PARP8: variants seen among roughly 807,000 people sequenced by gnomAD.
PARP8 encodes poly(ADP-ribose) polymerase family member 8.
PARP8 carries 51 observed loss-of-function variants against 124.1 expected under a neutral mutation model. The observed-to-expected ratio is 0.41, with a 90% CI of 0.33 to 0.52. The LOEUF (loss-of-function observed/expected upper bound fraction) is 0.52, where lower values mean the gene tolerates loss of function less well. Ranked by LOEUF, PARP8 falls within the 20% of genes least tolerant of loss-of-function variation. The pLI, the probability that PARP8 is intolerant of heterozygous loss-of-function variation, is 0.21. For missense variants in PARP8, 860 were observed against 1,018.9 expected (o/e 0.84, Z 2.12); for synonymous variants, 391 against 361.5 (o/e 1.08, Z -0.93).
At chr5:50,809,020 G>T (rs1005541344) in intron 14 of PARP8, among the ~76,000 whole-genome samples, 1 of 143,670 alleles carries the variant, frequency 7.0e-6, no homozygotes, top group Admixed American at 6.9e-5. Context: ...TCAAAAACAT[G>T]GTTTAAAAAA....
At chr5:50,729,443 A>G (rs1756757691) in intron 2 of PARP8, among the ~76,000 whole-genome samples, 2 of 152,192 alleles carry the variant, frequency 1.3e-5, no homozygotes. Flanking sequence ...AATGAAAGGT[A>G]TTTGGACCAA....
At chr5:50,840,915 A>G (rs1246272867) in intron 25 of PARP8, among the ~76,000 whole-genome samples, 2 of 151,874 alleles carry the variant, frequency 1.3e-5, no homozygotes, top group Non-Finnish European at 2.9e-5. Flanking sequence ...TAAAACAGCG[A>G]TAAGAATTAG....
intron 2 of PARP8, among the ~76,000 whole-genome samples, chr5:50,673,014 T>A (rs1750212625): frequency 6.6e-6 from 1 of 152,242 alleles, no homozygotes; most frequent in African/African-American, 2.4e-5. Context: ...AAAACAGTGA[T>A]GATTTTTTAA....
In PARP8 at chr5:50,746,506, T is replaced by C. The variant is rs531702469; in HGVS notation, c.147-3645T>C. ...AACTGGGTAATATACATGACACTTT[T>C]GTACAGTCTTTTCAACTTTATGTGA... On this transcript the variant is annotated intron_variant, in intron 2 of 25. Transcript: ENST00000281631. 3.8e-3 allele frequency among the ~76,000 whole-genome samples: 584 copies of C among 152,286 alleles called. 1 individual carries two copies. Among genetic ancestry groups the C allele is most frequent in the Non-Finnish European group, 7.0e-3 (479 of 68,012 alleles).
intron 5 of PARP8, among the ~76,000 whole-genome samples, chr5:50,761,239 A>G (rs1457672245): frequency 6.6e-6 from 1 of 152,084 alleles, no homozygotes; most frequent in Non-Finnish European, 1.5e-5. Context: ...CACATGGCAG[A>G]TGTGGCTCAG....
chr5:50,804,560 T>G (rs1580399420), intron 14 of PARP8, among the ~76,000 whole-genome samples: 2 of 152,292 alleles, frequency 1.3e-5, no homozygotes, highest in Middle Eastern at 6.8e-3. Flanking sequence ...TATATCTACT[T>G]TGGAAACAAA....
In PARP8 at chr5:50,828,849, C is replaced by A. The variant is rs182973305; in HGVS notation, c.2163+465C>A. Among the ~76,000 whole-genome samples, 245 of 151,934 alleles carry A rather than the reference C, an allele frequency of 1.6e-3. 1 individual carries two copies. Among genetic ancestry groups the A allele is most frequent in the African/African-American group, 5.8e-3 (239 of 41,420 alleles). Reference sequence around the variant, plus strand: ...AAGGTGGCAGTGAGCTGAGATCACACCACTGTACCTCAGCCTGGGTGACAG... The same window carrying A: ...AAGGTGGCAGTGAGCTGAGATCACAACACTGTACCTCAGCCTGGGTGACAG... On this transcript the variant is annotated intron_variant, in intron 21 of 25. Transcript: ENST00000281631.
At chr5:50,805,177 A>T (rs891725109) in intron 14 of PARP8, among the ~76,000 whole-genome samples, 1 of 152,110 alleles carries the variant, frequency 6.6e-6, no homozygotes, top group Admixed American at 6.6e-5. Flanking sequence ...AAAGTTTTAA[A>T]CAAGCAAGTT....
intron 2 of PARP8, among the ~76,000 whole-genome samples, chr5:50,680,208 G>T (rs1751130938): frequency 2.0e-5 from 3 of 152,106 alleles, no homozygotes; most frequent in Non-Finnish European, 4.4e-5. Context: ...ACTCTGGATC[G>T]GTGCCCTTTA....
intron 9 of PARP8, among the ~76,000 whole-genome samples, chr5:50,787,471 T>G (rs1014666582): frequency 1.3e-5 from 2 of 152,184 alleles, no homozygotes; most frequent in Admixed American, 6.5e-5. Context: ...TATCTAACAT[T>G]TAAACCTCAG....
At chr5:50,766,942 A>G (rs2149587334) in intron 7 of PARP8, among the ~76,000 whole-genome samples, 1 of 152,282 alleles carries the variant, frequency 6.6e-6, no homozygotes, top group East Asian at 1.9e-4. Flanking sequence ...CTGAATTCTC[A>G]TTTGTAGTGG....
intron 2 of PARP8, among the ~76,000 whole-genome samples, chr5:50,716,448 C>G (rs1434499615): frequency 6.6e-6 from 1 of 152,036 alleles, no homozygotes; most frequent in Non-Finnish European, 1.5e-5. Context: ...GAATTAAGAA[C>G]AAAAAGTAGA....
chr5:50,801,057 G>T (rs1251620264), intron 14 of PARP8, among the ~76,000 whole-genome samples: 1 of 151,818 alleles, frequency 6.6e-6, no homozygotes, highest in African/African-American at 2.4e-5. Context: ...CACACCTGGT[G>T]AAAAATTTTT....
intron 2 of PARP8, among the ~76,000 whole-genome samples, chr5:50,673,032 A>C (rs749115046): frequency 7.9e-5 from 12 of 152,242 alleles, no homozygotes; most frequent in Non-Finnish European, 1.5e-4. Flanking sequence ...TAAATAAAAA[A>C]TTAACATATT....
chr5:50,770,593 A>C (rs1454565749), intron 7 of PARP8, among the ~76,000 whole-genome samples: 1 of 151,794 alleles, frequency 6.6e-6, no homozygotes, highest in Non-Finnish European at 1.5e-5. Context: ...AAAAAGAAAG[A>C]GAAAGAAAAA....
chr5:50,747,144 T>G (rs1758631740), intron 2 of PARP8, among the ~76,000 whole-genome samples: 1 of 106,252 alleles, frequency 9.4e-6, no homozygotes, highest in African/African-American at 4.0e-5. Flanking sequence ...AGTTATGGTT[T>G]TTTTTGTTTG....
chr5:50,706,412 A>T (rs1467426198), intron 2 of PARP8, among the ~76,000 whole-genome samples: 2 of 151,890 alleles, frequency 1.3e-5, no homozygotes, highest in African/African-American at 4.8e-5. Context: ...AGCCTGAAAA[A>T]TTATTTAATT....
At chr5:50,819,463 G>A (rs1413110652) in intron 15 of PARP8, among the ~76,000 whole-genome samples, 3 of 89,878 alleles carry the variant, frequency 3.3e-5, no homozygotes, top group Admixed American at 1.4e-4. Context: ...TTTTTGAGAC[G>A]GAGTTTTGCT....
intron 9 of PARP8, among the ~76,000 whole-genome samples, chr5:50,783,256 C>A (rs1580327889): frequency 6.6e-6 from 1 of 152,054 alleles, no homozygotes; most frequent in South Asian, 2.1e-4. Context: ...TACCTTGATT[C>A]TCTTTCTCTT....
Sources: allele counts gnomAD v4.1 joint callset (sites outside exome capture counted in the v4.1 genomes callset), GRCh38; gene constraint gnomAD v4.1.1; transcripts MANE v1.5; gene names NCBI Gene and HGNC (gene_info 2026-07-23, HGNC 2026-07-21).